PDZD2: variants seen among roughly 807,000 people sequenced by gnomAD.
The protein encoded by PDZD2 is PDZ domain containing 2.
Under a neutral mutation model 220.7 loss-of-function variants are expected in PDZD2, and 90 were observed. The observed-to-expected ratio is 0.41, with a 90% CI of 0.34 to 0.49. The LOEUF (loss-of-function observed/expected upper bound fraction) is 0.49, where lower values mean the gene tolerates loss of function less well. Ranked by LOEUF, PDZD2 falls within the 20% of genes least tolerant of loss-of-function variation. PDZD2 has a pLI of 0.28. For missense variants in PDZD2, 3,174 were observed against 3,608.5 expected (o/e 0.88, Z 3.08); for synonymous variants, 1,375 against 1,450.5 (o/e 0.95, Z 1.18).
chr5:31,884,703 C>G (rs970356408), intron 2 of PDZD2, among the ~76,000 whole-genome samples: 1 of 152,178 alleles, frequency 6.6e-6, no homozygotes, highest in African/African-American at 2.4e-5. Context: ...ATTCTCCTGC[C>G]TCAGGCTGTC....
chr5:31,709,039 C>T (rs1428204775), intron 1 of PDZD2, among the ~76,000 whole-genome samples: 1 of 151,988 alleles, frequency 6.6e-6, no homozygotes, highest in Admixed American at 6.6e-5. Context: ...AGGCACGCAC[C>T]ACCACGCCTG....
Position 32,010,395 on chromosome 5 carries a change from A to G in PDZD2, c.1320A>G (p.Val440=). 6.2e-7 allele frequency: 1 copy of G among 1,611,900 alleles called. No homozygotes were observed. The highest frequency in any genetic ancestry group is 1.7e-4 in the Middle Eastern group (1 of 6,060). Residue 440 remains valine, a synonymous_variant, in exon 6 of 25, where the codon GTA becomes GTG. Coordinates refer to ENST00000438447, the MANE Select transcript of PDZD2 (RefSeq NM_178140.4). ...GCTTGCCAGATCTGACCAGCTCGGT[A>G]GAAGATGTGTCCTCCTGGACTGATA... is the stretch of plus-strand genomic sequence containing the variant. ...SKSLPDLTSS[V]EDVSSWTDNE...
intron 2 of PDZD2, among the ~76,000 whole-genome samples, chr5:31,818,026 A>G (rs1755583284): frequency 7.3e-6 from 1 of 137,652 alleles, no homozygotes; most frequent in African/African-American, 2.8e-5. Flanking sequence ...CTGGAGTGCA[A>G]TGGCACGATC....
At chr5:31,836,065 A>G (rs1164977417) in intron 2 of PDZD2, among the ~76,000 whole-genome samples, 1 of 152,180 alleles carries the variant, frequency 6.6e-6, no homozygotes, top group Non-Finnish European at 1.5e-5. Context: ...TAAATCTGCT[A>G]TGTTTGCAAA....
chr5:31,655,436 G>A (rs977473859), intron 1 of PDZD2, among the ~76,000 whole-genome samples: 6 of 152,164 alleles, frequency 3.9e-5, no homozygotes, highest in South Asian at 2.1e-4. Context: ...CTCCCAAAGC[G>A]CGGGGATTAC....
At chr5:31,813,323 G>A (rs186509724) in intron 2 of PDZD2, among the ~76,000 whole-genome samples, 30 of 151,976 alleles carry the variant, frequency 2.0e-4, no homozygotes, top group Admixed American at 1.6e-3. Flanking sequence ...GGTGGCAGGC[G>A]TCTATAGTCC....
intron 1 of PDZD2, among the ~76,000 whole-genome samples, chr5:31,663,076 G>A (rs186463485): frequency 6.6e-6 from 1 of 152,304 alleles, no homozygotes; most frequent in East Asian, 1.9e-4. Context: ...CACTACTAAA[G>A]ATCCATTCAC....
At chr5:31,687,428 C>G (rs1746916744) in intron 1 of PDZD2, among the ~76,000 whole-genome samples, 1 of 152,132 alleles carries the variant, frequency 6.6e-6, no homozygotes, top group African/African-American at 2.4e-5. Context: ...TGTCTGAGAC[C>G]TCACCAGAAT....
At chr5:31,663,703 T>C (rs1278926862) in intron 1 of PDZD2, among the ~76,000 whole-genome samples, 4 of 152,192 alleles carry the variant, frequency 2.6e-5, no homozygotes, top group Non-Finnish European at 1.5e-5. Flanking sequence ...CCAATTTTCT[T>C]TTGCGGTATT....
chr5:32,037,187 C>A, intron 6 of PDZD2, 44 bp from the exon 7 acceptor site: 1 of 1,242,784 alleles, frequency 8.0e-7, no homozygotes, highest in Non-Finnish European at 1.2e-6. Flanking sequence ...TAAGTCATCG[C>A]AGGGCTGGGC....
At chr5:31,820,244 C>T (rs991530386) in intron 2 of PDZD2, among the ~76,000 whole-genome samples, 2 of 152,174 alleles carry the variant, frequency 1.3e-5, no homozygotes, top group Non-Finnish European at 2.9e-5. Flanking sequence ...TAATTCCATC[C>T]CACTCCTCAG....
rs1310000539 is a variant in PDZD2 at position 32,059,265 on chromosome 5, G to A, written c.2227G>A (p.Ala743Thr). 2 of 1,611,972 alleles carry A rather than the reference G, an allele frequency of 1.2e-6. No individual in the cohort carries two copies. The highest frequency in any genetic ancestry group is 8.5e-7 in the Non-Finnish European group (1 of 1,178,056). ...KEPRVGLGIGACCLALENSPP... is the reference protein window; with the variant it reads ...KEPRVGLGIGTCCLALENSPP... ...GCCAAGAGTTGGATTAGGCATTGGT[G>A]CCTGCTGCTTGGCTCTGGAAAACAG... The change falls in exon 13 of 25, where the codon GCC becomes ACC. Residue 743 changes from alanine to threonine, a missense_variant. By Grantham distance (58) the Ala-to-Thr change is moderately conservative (BLOSUM62 0). This residue lies in a region of PDZD2 where 1,861 missense variants were observed against 2,001.0 expected (regional missense o/e 0.93). Coordinates refer to ENST00000438447, the MANE Select transcript of PDZD2 (RefSeq NM_178140.4).
intron 1 of PDZD2, among the ~76,000 whole-genome samples, chr5:31,675,882 G>A (rs562354973): frequency 8.6e-5 from 13 of 151,838 alleles, no homozygotes; most frequent in Non-Finnish European, 1.9e-4. Context: ...TTCTATTTTT[G>A]GTAGAGACAC....
chr5:31,740,563 CTGT>C (rs1220712944), intron 1 of PDZD2, among the ~76,000 whole-genome samples: 1 of 110,054 alleles, frequency 9.1e-6, no homozygotes, highest in Non-Finnish European at 2.1e-5. Flanking sequence ...AAAAAATCTG[CTGT>C]TGTCTGCAGC....
chr5:32,071,053 C>G (rs1740695215), intron 15 of PDZD2, among the ~76,000 whole-genome samples: 1 of 152,226 alleles, frequency 6.6e-6, no homozygotes, highest in Non-Finnish European at 1.5e-5. Flanking sequence ...AAGACACATC[C>G]ACTCATACAT....
chr5:31,926,619 G>A (rs1744801914), intron 2 of PDZD2, among the ~76,000 whole-genome samples: 1 of 151,886 alleles, frequency 6.6e-6, no homozygotes, highest in African/African-American at 2.4e-5. Context: ...CACTGTTGGT[G>A]TGAATGTAAG....
intron 2 of PDZD2, 95 bp downstream of exon 2, chr5:31,799,819 T>A (rs1754284174): frequency 1.3e-6 from 1 of 782,998 alleles, no homozygotes; most frequent in African/African-American, 1.7e-5. Context: ...ATCCTGCCAA[T>A]AAGAAGCTGA....
intron 2 of PDZD2, among the ~76,000 whole-genome samples, chr5:31,802,546 T>C (rs555467890): frequency 6.6e-6 from 1 of 152,228 alleles, no homozygotes; most frequent in South Asian, 2.1e-4. Flanking sequence ...TGTCAGGGAA[T>C]AGACCAGTGG....
At position 31,983,534 on chromosome 5, in the gene PDZD2, G is replaced by C. The variant is rs778769769; in HGVS notation, c.856G>C (p.Val286Leu). 3.1e-6 allele frequency: 5 copies of C among 1,614,204 alleles called. No homozygotes were observed. The East Asian group carries it at 1.1e-4, about 36-fold the overall frequency. The change falls in exon 3 of 25, where the codon GTG becomes CTG. Residue 286 changes from valine to leucine, a missense_variant. By Grantham distance (32) the Val-to-Leu change is conservative. Transcript: ENST00000438447. ...VAGPHLERSE[V>L]DRGTEHRIPK... The stretch of plus-strand genomic sequence containing the variant: ...TGGACCCCATCTAGAGAGGTCAGAA[G>C]TGGACAGAGGGACAGAGCATAGAAT...
Sources: allele counts gnomAD v4.1 joint callset (sites outside exome capture counted in the v4.1 genomes callset), GRCh38; gene constraint gnomAD v4.1.1; regional missense constraint gnomAD v4.1.1; transcripts MANE v1.5; gene names NCBI Gene and HGNC (gene_info 2026-07-23, HGNC 2026-07-21).